Variants in EPHA5 observed in about 807,000 individuals in gnomAD.
The protein encoded by EPHA5 is EPH receptor A5.
A neutral mutation model predicts 105.0 loss-of-function variants in EPHA5; 60 were observed. The observed-to-expected ratio is 0.57, with a 90% CI of 0.46 to 0.71. The LOEUF is 0.71. Ranked by LOEUF, EPHA5 falls within the 30% of genes least tolerant of loss-of-function variation. The pLI is 0.00. For synonymous variants in EPHA5, 513 were observed against 449.1 expected (o/e 1.14, Z -1.80); for missense variants, 1,218 against 1,274.7 (o/e 0.96, Z 0.68).
rs1299763116 is a variant in EPHA5, at chr4:65,320,555, A to G, written c.*3559T>C. 1 of 229,422 alleles carries G rather than the reference A, an allele frequency of 4.4e-6. No homozygotes were observed. The highest frequency in any genetic ancestry group is 8.6e-6 in the Non-Finnish European group (1 of 115,656). The allele number at this position is 229,422 out of a possible 1,614,324, so 14.2% of individuals were successfully genotyped here. On this transcript the variant is annotated 3_prime_UTR_variant, in exon 17 of 17. Coordinates refer to ENST00000613740, the MANE Select transcript of EPHA5 (RefSeq NM_001281766.3). ...TGACTCAAATAGTGTTTGCCATCCA[A>G]TGCACTTTTATAGCCAAAAATGTCT...
intron 3 of EPHA5, among the ~76,000 whole-genome samples, chr4:65,586,040 A>T (rs1742089601): frequency 1.3e-5 from 2 of 151,718 alleles, no homozygotes; most frequent in African/African-American, 2.4e-5. Context: ...GAAAGAAATA[A>T]GGAAGAGGAA....
intron 7 of EPHA5, 54 bp downstream of exon 7, chr4:65,414,230 C>T (rs1723177064): frequency 1.3e-6 from 2 of 1,555,040 alleles, no homozygotes; most frequent in Non-Finnish European, 8.9e-7. Context: ...TCCACTGACT[C>T]TTTTCTGGTA....
intron 3 of EPHA5, among the ~76,000 whole-genome samples, chr4:65,521,018 T>G (rs772215995): frequency 1.3e-5 from 2 of 152,142 alleles, no homozygotes; most frequent in African/African-American, 2.4e-5. Context: ...AGCCATCTCA[T>G]TACAGAGTAT....
intron 3 of EPHA5, among the ~76,000 whole-genome samples, chr4:65,507,061 A>G (rs1340674050): frequency 6.6e-6 from 1 of 152,140 alleles, no homozygotes; most frequent in African/African-American, 2.4e-5. Context: ...TAAGGAAGGG[A>G]TCCAGTTTCA....
At chr4:65,420,707 G>A (rs996051444) in intron 5 of EPHA5, 142 bp from the exon 6 acceptor site, 2 of 653,616 alleles carry the variant, frequency 3.1e-6, no homozygotes, top group Non-Finnish European at 4.6e-6. Context: ...TCTATATAAG[G>A]TTTAAAGATT....
At chr4:65,658,783 A>G (rs982009154) in intron 1 of EPHA5, among the ~76,000 whole-genome samples, 2 of 152,036 alleles carry the variant, frequency 1.3e-5, no homozygotes, top group Admixed American at 6.6e-5. Flanking sequence ...GCTATACCTC[A>G]GCTAAAATGT....
chr4:65,594,496 G>A (rs1171369563), intron 3 of EPHA5, among the ~76,000 whole-genome samples: 1 of 152,030 alleles, frequency 6.6e-6, no homozygotes, highest in Admixed American at 6.6e-5. Flanking sequence ...GTAAAGATGA[G>A]GTATAGCATT....
At chr4:65,370,658 TGAAAACAAAACTTTGGATCTCATAA>T (rs1577940947) in intron 8 of EPHA5, among the ~76,000 whole-genome samples, 1 of 152,136 alleles carries the variant, frequency 6.6e-6, no homozygotes, top group East Asian at 1.9e-4. Context: ...GGTATGAAAA[TGAAAACAAAACTTTGGATCTCATAA>T]GAAAATGACT....
At chr4:65,554,830 A>G (rs2149345856) in intron 3 of EPHA5, among the ~76,000 whole-genome samples, 1 of 151,866 alleles carries the variant, frequency 6.6e-6, no homozygotes, top group African/African-American at 2.4e-5. Context: ...AGGCCTATGT[A>G]TATACTTGAG....
At position 65,375,078 on chromosome 4, in the gene EPHA5, T is replaced by A. The variant is rs866793359; in HGVS notation, c.1794-7654A>T. ...CTTCACAAAATATAGCAATAAAGCA[T>A]TTTTAGTCCTGATTCCTACCCAGTA... On this transcript the variant is annotated intron_variant, in intron 8 of 16. Transcript: ENST00000613740. Among the ~76,000 whole-genome samples the A allele has an allele frequency of 3.3e-5, 5 of 151,958 alleles. No homozygotes were observed. In the South Asian group the frequency reaches 6.2e-4, roughly 19 times the overall value.
At chr4:65,597,903 C>T (rs1376100338) in intron 3 of EPHA5, among the ~76,000 whole-genome samples, 1 of 152,114 alleles carries the variant, frequency 6.6e-6, no homozygotes, top group East Asian at 1.9e-4. Context: ...CATTCTGAAT[C>T]TTGAAGGTTT....
At chr4:65,645,737 T>G (rs2149519074) in intron 1 of EPHA5, among the ~76,000 whole-genome samples, 1 of 152,148 alleles carries the variant, frequency 6.6e-6, no homozygotes, top group African/African-American at 2.4e-5. Flanking sequence ...GCAGAATACA[T>G]GAGAATAACT....
rs548256336 is a variant in EPHA5, at chr4:65,506,947, T to C, written c.911-11404A>G. On this transcript the variant is annotated intron_variant, in intron 3 of 16. Transcript: ENST00000613740. The stretch of plus-strand genomic sequence containing the variant: ...TAGACATGAAGTCCTTGCCCATGCC[T>C]ATGTCCTGAACGGTATTGCCTAGGT... Among the ~76,000 whole-genome samples the C allele has an allele frequency of 3.9e-3, 592 of 152,090 alleles. 6 individuals are homozygous for C. The highest frequency in any genetic ancestry group is 0.014 in the African/African-American group (566 of 41,370).
chr4:65,399,439 C>T (rs1050223515), intron 8 of EPHA5, among the ~76,000 whole-genome samples: 2 of 152,156 alleles, frequency 1.3e-5, no homozygotes, highest in African/African-American at 4.8e-5. Flanking sequence ...GTGGGCAGAA[C>T]GAGCCTAACA....
At chr4:65,576,104 A>AAAAG (rs1740992931) in intron 3 of EPHA5, among the ~76,000 whole-genome samples, 1 of 70,742 alleles carries the variant, frequency 1.4e-5, no homozygotes, top group Admixed American at 1.5e-4. Flanking sequence ...AAAAGAAAAG[A>AAAAG]AAAGAAAAGA....
intron 14 of EPHA5, among the ~76,000 whole-genome samples, chr4:65,341,783 A>C (rs1248290655): frequency 6.6e-6 from 1 of 151,934 alleles, no homozygotes; most frequent in Non-Finnish European, 1.5e-5. Flanking sequence ...ATTAAGTTCT[A>C]TCTAGGGCTT....
chr4:65,666,058 G>C (rs568329778), intron 1 of EPHA5, among the ~76,000 whole-genome samples: 1 of 152,166 alleles, frequency 6.6e-6, no homozygotes, highest in South Asian at 2.1e-4. Flanking sequence ...TATTTTATGG[G>C]CCTGGTTCTA....
intron 5 of EPHA5, among the ~76,000 whole-genome samples, chr4:65,471,685 A>T (rs2149162912): frequency 6.6e-6 from 1 of 152,260 alleles, no homozygotes; most frequent in South Asian, 2.1e-4. Context: ...AGCAGGGAAA[A>T]CTGCTTATAA....
intron 5 of EPHA5, among the ~76,000 whole-genome samples, chr4:65,479,236 C>T (rs11936348): frequency 0.22 from 33,395 of 151,858 alleles, 4,446 homozygotes; most frequent in Middle Eastern, 0.36. Context: ...TCACAGATAC[C>T]ATTTATTTCC....
Sources: allele counts gnomAD v4.1 joint callset (sites outside exome capture counted in the v4.1 genomes callset), GRCh38; gene constraint gnomAD v4.1.1; transcripts MANE v1.5; gene names NCBI Gene and HGNC (gene_info 2026-07-23, HGNC 2026-07-21).